Variants in ABL2 observed in about 807,000 individuals in gnomAD.
The protein encoded by ABL2 is ABL proto-oncogene 2, non-receptor tyrosine kinase, also known as tyrosine-protein kinase ABL2.
A neutral mutation model predicts 107.7 loss-of-function variants in ABL2; 49 were observed. The ratio of observed to expected loss-of-function variants is 0.45; its 90% CI spans 0.36 to 0.58. The LOEUF (loss-of-function observed/expected upper bound fraction) is 0.58. Ranked by LOEUF, ABL2 falls within the 20% of genes least tolerant of loss-of-function variation. The probability of loss-of-function intolerance (pLI) is 0.00; values close to 1 mark genes in which losing one functional copy is unlikely to be tolerated. For missense variants in ABL2, 1,245 were observed against 1,457.0 expected (o/e 0.85, Z 2.37); for synonymous variants, 549 against 548.6 (o/e 1.00, Z -0.01).
In ABL2 at chr1:179,133,371, T is replaced by A; in HGVS notation, c.161A>T (p.His54Leu). ...TCCATCCTCCACACAGCTGGCAAAG[T>A]GATCTATTTAAGAAAAAAATTGACC... ...TGFNIFTQHD[H>L]FASCVEDGFE... The change falls in exon 2 of 12, where the codon CAC (histidine) becomes CTC (leucine). Residue 54 changes from histidine to leucine, a missense_variant. Physicochemically the swap from His to Leu is moderately conservative, Grantham distance 99. Coordinates refer to ENST00000502732, the MANE Select transcript of ABL2 (RefSeq NM_007314.4). 2 of 1,614,118 alleles carry A rather than the reference T, an allele frequency of 1.2e-6. No individual in the cohort carries two copies. The highest frequency in any genetic ancestry group is 2.2e-5 in the South Asian group (2 of 91,088).
In ABL2 at chr1:179,168,068, GA is replaced by G. The variant is rs1198644446; in HGVS notation, c.158-34695del. ...ATAAGTTACAAATTCAGCTGTTAAA[GA>G]AGAGCTTGTTCATGTATATTTTTAA... On this transcript the variant is annotated intron_variant, in intron 1 of 11. Coordinates refer to ENST00000502732, the MANE Select transcript of ABL2 (RefSeq NM_007314.4). Among the ~76,000 whole-genome samples the G allele has an allele frequency of 2.6e-5, 4 of 152,304 alleles. No homozygotes were observed. The South Asian group carries it at 8.3e-4, about 32-fold the overall frequency.
At chr1:179,151,280 C>T (rs1433686043) in intron 1 of ABL2, among the ~76,000 whole-genome samples, 1 of 152,120 alleles carries the variant, frequency 6.6e-6, no homozygotes, top group Non-Finnish European at 1.5e-5. Context: ...GCTTATCCTC[C>T]CCCTCTGTGT....
At chr1:179,135,018 T>C (rs540118620) in intron 1 of ABL2, among the ~76,000 whole-genome samples, 53 of 152,386 alleles carry the variant, frequency 3.5e-4, no homozygotes, top group African/African-American at 1.3e-3. Flanking sequence ...AGACGGAGTC[T>C]CGTTCACTCA....
At chr1:179,190,802 G>A (rs377176472) in intron 1 of ABL2, among the ~76,000 whole-genome samples, 12 of 151,972 alleles carry the variant, frequency 7.9e-5, no homozygotes, top group African/African-American at 2.2e-4. Context: ...TTTTTTGGCC[G>A]GGGAAACGGA....
At chr1:179,176,001 G>C (rs763208087) in intron 1 of ABL2, among the ~76,000 whole-genome samples, 1 of 151,960 alleles carries the variant, frequency 6.6e-6, no homozygotes, top group Non-Finnish European at 1.5e-5. Flanking sequence ...GATTACAGGT[G>C]TGTGCCACCA....
intron 1 of ABL2, among the ~76,000 whole-genome samples, chr1:179,208,918 G>A (rs1226154710): frequency 6.6e-6 from 1 of 152,114 alleles, no homozygotes; most frequent in East Asian, 1.9e-4. Flanking sequence ...AGAAATGTTG[G>A]CACATAAATG....
intron 1 of ABL2, among the ~76,000 whole-genome samples, chr1:179,193,353 A>T (rs927350158): frequency 1.3e-4 from 20 of 151,928 alleles, no homozygotes; most frequent in Admixed American, 7.2e-4. Context: ...AACCAGCCCT[A>T]AATGTCTGCT....
Position 179,105,587 on chromosome 1 carries a change from T to G in ABL2, c.*2131A>C, listed in dbSNP as rs1012160116. The G allele has an allele frequency of 8.8e-6, 2 of 228,342 alleles. No homozygotes were observed. Among genetic ancestry groups the G allele is most frequent in the African/African-American group, 2.2e-5 (1 of 45,044 alleles). 14.1% of individuals were successfully genotyped at this position (228,342 alleles called of 1,614,324 possible). On this transcript the variant is annotated 3_prime_UTR_variant, in exon 12 of 12. Coordinates refer to ENST00000502732, the MANE Select transcript of ABL2 (RefSeq NM_007314.4). ...ACTAGGAGGAGATGAACCCAATCAC[T>G]AGCTGCCTGTGCTGCAACTGCAGGT...
intron 1 of ABL2, among the ~76,000 whole-genome samples, chr1:179,213,381 C>A (rs1662395339): frequency 6.6e-6 from 1 of 151,700 alleles, no homozygotes; most frequent in Non-Finnish European, 1.5e-5. Context: ...TTGCCCAAGG[C>A]AGGTCTCAAA....
intron 1 of ABL2, among the ~76,000 whole-genome samples, chr1:179,226,043 CAAAAAAAAAAAAAAA>C (rs1194438803): frequency 2.4e-4 from 11 of 45,686 alleles, no homozygotes; most frequent in South Asian, 1.9e-3. Context: ...GACTCCGCCT[CAAAAAAAAAAAAAAA>C]AAAAAAAAAA....
rs1423765415 is a variant in ABL2, at chr1:179,099,374, C to G, written c.*8344G>C. 2 of 204,130 alleles carry G rather than the reference C, an allele frequency of 9.8e-6. No homozygotes were observed. The allele number at this position is 204,130 out of a possible 1,614,324, so 12.6% of individuals were successfully genotyped here. ...AACCTTTATTTAAAACAGAACACAA[C>G]TTGGCAAACCTTGTGAGAAGACAGA... On this transcript the variant is annotated 3_prime_UTR_variant, in exon 12 of 12. Transcript: ENST00000502732.
chr1:179,118,908 A>G, intron 6 of ABL2, 144 bp from the exon 7 acceptor site: 1 of 856,500 alleles, frequency 1.2e-6, no homozygotes, highest in Non-Finnish European at 1.8e-6. Flanking sequence ...TCTGAAATTA[A>G]TAAGCAAAAA....
intron 1 of ABL2, among the ~76,000 whole-genome samples, chr1:179,159,289 A>C (rs1176766778): frequency 6.6e-6 from 1 of 152,228 alleles, no homozygotes; most frequent in Non-Finnish European, 1.5e-5. Flanking sequence ...CAATTCATAA[A>C]GAGGGTCTAC....
Position 179,131,318 on chromosome 1 carries a change from G to T in ABL2, c.384C>A (p.Ile128=). 6.2e-7 allele frequency: 1 copy of T among 1,613,714 alleles called. No homozygotes were observed. The highest frequency in any genetic ancestry group is 8.5e-7 in the Non-Finnish European group (1 of 1,179,682). ...GCTACATAGAAGCCTCACCTTTAGTGATGCTGAGTGTGTTATCACCACTTG... is the reference window on the plus strand; with the variant it reads ...GCTACATAGAAGCCTCACCTTTAGTTATGCTGAGTGTGTTATCACCACTTG... ...FVASGDNTLS[I]TKGEKLRVLG... The change falls in exon 3 of 12, where the codon ATC becomes ATA. Residue 128 remains isoleucine (I), a synonymous_variant. Transcript: ENST00000502732.
At chr1:179,174,554 A>G (rs1292394721) in intron 1 of ABL2, among the ~76,000 whole-genome samples, 3 of 152,114 alleles carry the variant, frequency 2.0e-5, no homozygotes, top group African/African-American at 7.2e-5. Context: ...ATATATATAC[A>G]TATATATGTA....
chr1:179,222,396 AT>A (rs1353098858), intron 1 of ABL2, among the ~76,000 whole-genome samples: 33 of 147,932 alleles, frequency 2.2e-4, no homozygotes, highest in South Asian at 8.6e-4. Context: ...TGCCTGGCTA[AT>A]TTTTTTTTTT....
chr1:179,143,250 A>C (rs974948052), intron 1 of ABL2, among the ~76,000 whole-genome samples: 1 of 152,218 alleles, frequency 6.6e-6, no homozygotes, highest in Non-Finnish European at 1.5e-5. Context: ...TCCGCAAAAG[A>C]CTGAGTCAGA....
At chr1:179,119,683 TGAGGG>T (rs1654999570) in intron 6 of ABL2, among the ~76,000 whole-genome samples, 1 of 152,030 alleles carries the variant, frequency 6.6e-6, no homozygotes. Context: ...AAAGGTAAAC[TGAGGG>T]GTGTGGTCAC....
Position 179,155,725 on chromosome 1 carries a change from C to T in ABL2, c.158-22351G>A, listed in dbSNP as rs146116523. On this transcript the variant is annotated intron_variant, in intron 1 of 11. Transcript: ENST00000502732. ...CAGTCTGGGAGACAGAGCAAGACTC[C>T]ATCTCAATTAAAAAAAAAAAAAAAA... is the stretch of plus-strand genomic sequence containing the variant. Among the ~76,000 whole-genome samples, 156 of 143,914 alleles carry T rather than the reference C, an allele frequency of 1.1e-3. 2 individuals carry two copies. The East Asian group carries it at 0.029, about 27-fold the overall frequency. 94.4% of individuals were successfully genotyped at this position (143,914 alleles called of 152,430 possible).
Sources: gnomAD v4.1 joint callset for allele counts (sites outside exome capture counted in the v4.1 genomes callset) on GRCh38, gnomAD v4.1.1 for gene constraint, MANE v1.5 for transcripts, NCBI Gene and HGNC (gene_info 2026-07-23, HGNC 2026-07-21) for gene names.